Variants in PEPD observed in about 807,000 individuals in gnomAD.
The protein encoded by PEPD is xaa-Pro dipeptidase.
Under a neutral mutation model 60.7 loss-of-function variants are expected in PEPD, and 53 were observed. The observed-to-expected ratio is 0.87, with a 90% CI of 0.70 to 1.10. The LOEUF (loss-of-function observed/expected upper bound fraction) is 1.10. PEPD is among the 50% of genes least tolerant of loss of function. The pLI, the probability that PEPD is intolerant of heterozygous loss-of-function variation, is 0.00. For synonymous variants in PEPD, 267 were observed against 284.1 expected (o/e 0.94, Z 0.60); for missense variants, 711 against 711.9 (o/e 1.00, Z 0.01).
chr19:33,428,096 G>A (rs550280758), intron 9 of PEPD, among the ~76,000 whole-genome samples: 1 of 152,290 alleles, frequency 6.6e-6, no homozygotes, highest in South Asian at 2.1e-4. Flanking sequence ...CCCCCCTCCT[G>A]CATAGCCAGG....
chr19:33,424,347 T>C (rs1181661072), intron 9 of PEPD, among the ~76,000 whole-genome samples: 1 of 152,270 alleles, frequency 6.6e-6, no homozygotes, highest in African/African-American at 2.4e-5. Flanking sequence ...ACTCTAGACC[T>C]GTGTTTGGCA....
At chr19:33,505,832 C>A (rs1376401784) in intron 3 of PEPD, among the ~76,000 whole-genome samples, 3 of 133,810 alleles carry the variant, frequency 2.2e-5, no homozygotes, top group African/African-American at 7.6e-5. Flanking sequence ...ACTACACACA[C>A]CCACACACAA....
At chr19:33,491,961 G>C (rs1167834006) in intron 5 of PEPD, among the ~76,000 whole-genome samples, 1 of 149,784 alleles carries the variant, frequency 6.7e-6, no homozygotes, top group Non-Finnish European at 1.5e-5. Flanking sequence ...TTGCTTCTAA[G>C]AGAAGTTACT....
At chr19:33,476,964 G>A (rs1306512757) in intron 7 of PEPD, 4 of 152,194 alleles carry the variant, frequency 2.6e-5, no homozygotes, top group South Asian at 2.1e-4. Flanking sequence ...CACCCGGCTC[G>A]AAATGATTTT....
At chr19:33,448,283 C>T (rs1203341150) in intron 9 of PEPD, among the ~76,000 whole-genome samples, 1 of 152,212 alleles carries the variant, frequency 6.6e-6, no homozygotes, top group East Asian at 1.9e-4. Context: ...GGCTGCTCCT[C>T]ACTAGATGCG....
intron 6 of PEPD, among the ~76,000 whole-genome samples, chr19:33,482,036 A>G (rs1568493618): frequency 6.6e-6 from 1 of 151,924 alleles, no homozygotes; most frequent in African/African-American, 2.4e-5. Flanking sequence ...CAAATAAACA[A>G]CAACAACAAC....
At chr19:33,503,332 C>T (rs963748007) in intron 3 of PEPD, among the ~76,000 whole-genome samples, 2 of 152,204 alleles carry the variant, frequency 1.3e-5, no homozygotes, top group African/African-American at 2.4e-5. Flanking sequence ...TTTGGCTTCT[C>T]TGAAATGATC....
chr19:33,449,976 C>T (rs1281580168), intron 9 of PEPD, among the ~76,000 whole-genome samples: 3 of 152,308 alleles, frequency 2.0e-5, no homozygotes, highest in South Asian at 2.1e-4. Flanking sequence ...GTGATGCCCC[C>T]GCTTGGGTGC....
intron 9 of PEPD, among the ~76,000 whole-genome samples, chr19:33,420,726 T>TAAATAAATAAAA (rs1555755967): frequency 2.0e-5 from 3 of 149,206 alleles, no homozygotes; most frequent in Admixed American, 6.9e-5. Context: ...AATAAATAAA[T>TAAATAAATAAAA]AAAAATGATT....
At chr19:33,468,673 G>T (rs924109633) in intron 7 of PEPD, among the ~76,000 whole-genome samples, 1 of 152,236 alleles carries the variant, frequency 6.6e-6, no homozygotes. Context: ...ATTTGTCACT[G>T]GGAAACGAGG....
intron 9 of PEPD, among the ~76,000 whole-genome samples, chr19:33,438,281 A>G (rs1969418901): frequency 6.6e-6 from 1 of 152,152 alleles, no homozygotes; most frequent in Non-Finnish European, 1.5e-5. Flanking sequence ...GGCTGTGCCC[A>G]CTCTGCAGGG....
At chr19:33,502,078 C>A (rs1175665549) in intron 3 of PEPD, among the ~76,000 whole-genome samples, 2 of 152,190 alleles carry the variant, frequency 1.3e-5, no homozygotes, top group Non-Finnish European at 2.9e-5. Flanking sequence ...CACCCCCAGG[C>A]TCTTGGTCAG....
rs746814800 is a variant in PEPD at position 33,401,869 on chromosome 19, G to A, written c.819C>T (p.Cys273=). ...AATACTCACCGCCCATGTCGAACAG[G>A]CTGCGGAGAGAGGAAGGCAGGGCAA... ...NDRTIQNGDM[C]LFDMGGEYYC... Residue 273 remains cysteine, a splice_region_variant and synonymous_variant, in exon 12 of 15, where the codon TGC becomes TGT. Coordinates refer to ENST00000244137, the MANE Select transcript of PEPD (RefSeq NM_000285.4). The A allele has an allele frequency of 6.2e-7, 1 of 1,612,972 alleles. No homozygotes were observed. The highest frequency in any genetic ancestry group is 1.7e-5 in the Admixed American group (1 of 60,022).
At chr19:33,462,859 G>C (rs1387687264) in intron 9 of PEPD, 136 bp downstream of exon 9, 6 of 760,974 alleles carry the variant, frequency 7.9e-6, no homozygotes, top group Non-Finnish European at 1.2e-5. Context: ...ATCTTTGCTT[G>C]TGATCCTGAA....
intron 3 of PEPD, among the ~76,000 whole-genome samples, chr19:33,502,423 T>G (rs763307612): frequency 5.3e-5 from 8 of 152,088 alleles, no homozygotes; most frequent in Non-Finnish European, 1.2e-4. Context: ...CGTTAGGGCT[T>G]TTTCATGCTG....
chr19:33,481,070 T>C lies in PEPD; in HGVS notation c.504-2980A>G, dbSNP rs1446912220. Reference sequence around the variant, plus strand: ...GAAAATAGAAAAATTGACAAATATGTAGAAATTAAACAGTAGACTCCTAAA... The same window carrying C: ...GAAAATAGAAAAATTGACAAATATGCAGAAATTAAACAGTAGACTCCTAAA... On this transcript the variant is annotated intron_variant, in intron 6 of 14. Coordinates refer to ENST00000244137, the MANE Select transcript of PEPD (RefSeq NM_000285.4). 3.9e-5 allele frequency among the ~76,000 whole-genome samples: 6 copies of C among 152,036 alleles called. No homozygotes were observed. The East Asian group carries it at 1.2e-3, about 29-fold the overall frequency.
At chr19:33,446,481 C>A (rs1969596034) in intron 9 of PEPD, among the ~76,000 whole-genome samples, 2 of 152,250 alleles carry the variant, frequency 1.3e-5, no homozygotes, top group African/African-American at 2.4e-5. Context: ...AGTCTTTTCA[C>A]CCGTGGGATC....
chr19:33,471,951 C>T lies in PEPD; in HGVS notation c.548+6095G>A, dbSNP rs188241375. 1.6e-3 allele frequency among the ~76,000 whole-genome samples: 236 copies of T among 152,178 alleles called. 3 individuals carry two copies. The highest frequency in any genetic ancestry group is 4.4e-3 in the African/African-American group (184 of 41,526). ...CCGAGGCAGGTGGATCACCTGAGGTCGGAAGTTCAAGACCAGCCTGACCAA... is the reference window on the plus strand; with the variant it reads ...CCGAGGCAGGTGGATCACCTGAGGTTGGAAGTTCAAGACCAGCCTGACCAA... On this transcript the variant is annotated intron_variant, in intron 7 of 14. Transcript: ENST00000244137.
At chr19:33,457,662 C>G (rs1969828377) in intron 9 of PEPD, among the ~76,000 whole-genome samples, 1 of 152,250 alleles carries the variant, frequency 6.6e-6, no homozygotes, top group Admixed American at 6.5e-5. Flanking sequence ...AGGCGCCCGA[C>G]ACCTAGCCCA....
Sources: gnomAD v4.1 joint callset for allele counts (sites outside exome capture counted in the v4.1 genomes callset) on GRCh38, gnomAD v4.1.1 for gene constraint, MANE v1.5 for transcripts, NCBI Gene and HGNC (gene_info 2026-07-23, HGNC 2026-07-21) for gene names.